The following MTHFD1L variants were observed in gnomAD, a reference collection of about 807,000 sequenced individuals.
MTHFD1L encodes monofunctional C1-tetrahydrofolate synthase, mitochondrial.
A neutral mutation model predicts 119.5 loss-of-function variants in MTHFD1L; 81 were observed. The observed-to-expected ratio is 0.68, with a 90% CI of 0.57 to 0.82. MTHFD1L has a LOEUF of 0.82. Ranked by LOEUF, MTHFD1L falls within the 40% of genes least tolerant of loss-of-function variation. The pLI is 0.00. For missense variants in MTHFD1L, 1,125 were observed against 1,253.4 expected (o/e 0.90, Z 1.55); for synonymous variants, 430 against 475.2 (o/e 0.90, Z 1.24).
chr6:150,922,153 C>A, intron 9 of MTHFD1L, 52 bp from the exon 10 acceptor site: 1 of 1,305,400 alleles, frequency 7.7e-7, no homozygotes, highest in Non-Finnish European at 1.1e-6. Flanking sequence ...TAAGTGTGTG[C>A]CCTGTCAGCT....
chr6:151,088,623 A>ATTTTTTTTTTTTTTTTTTTT (rs71014539), intron 26 of MTHFD1L, among the ~76,000 whole-genome samples: 1 of 128,640 alleles, frequency 7.8e-6, no homozygotes. Context: ...CACCCAGCTA[A>ATTTTTTTTTTTTTTTTTTTT]TTTTTTTTTT....
chr6:150,916,088 C>T (rs1252833173), intron 8 of MTHFD1L, among the ~76,000 whole-genome samples: 2 of 152,120 alleles, frequency 1.3e-5, no homozygotes, highest in Non-Finnish European at 2.9e-5. Flanking sequence ...CTTTAAATAA[C>T]ACCCAAGGGA....
chr6:151,072,325 T>C (rs1460532226), intron 26 of MTHFD1L, among the ~76,000 whole-genome samples: 1 of 152,180 alleles, frequency 6.6e-6, no homozygotes, highest in East Asian at 1.9e-4. Flanking sequence ...ACTACTTAGC[T>C]GAAAATCGAA....
At chr6:150,948,858 C>A (rs974167114) in intron 15 of MTHFD1L, among the ~76,000 whole-genome samples, 173 bp from the exon 16 acceptor site, 21 of 151,830 alleles carry the variant, frequency 1.4e-4, no homozygotes, top group African/African-American at 5.1e-4. Flanking sequence ...TCAGGCTGGT[C>A]TCGAACTCCT....
chr6:151,082,396 C>A (rs1194422958), intron 26 of MTHFD1L, among the ~76,000 whole-genome samples: 3 of 152,146 alleles, frequency 2.0e-5, no homozygotes, highest in African/African-American at 4.8e-5. Context: ...ATCAAGCTAC[C>A]CCTGTTCATT....
intron 19 of MTHFD1L, among the ~76,000 whole-genome samples, chr6:150,967,001 G>A (rs779557129): frequency 6.6e-6 from 1 of 152,148 alleles, no homozygotes; most frequent in Non-Finnish European, 1.5e-5. Flanking sequence ...ACCCTTCTGC[G>A]GCAGGTTGTC....
chr6:151,099,347 C>T (rs1795158330), intron 27 of MTHFD1L, among the ~76,000 whole-genome samples: 1 of 152,066 alleles, frequency 6.6e-6, no homozygotes, highest in African/African-American at 2.4e-5. Context: ...GTCCACTGAG[C>T]CCACCCTCTA....
intron 20 of MTHFD1L, among the ~76,000 whole-genome samples, chr6:151,004,117 C>T (rs1189469214): frequency 1.3e-5 from 2 of 151,438 alleles, no homozygotes; most frequent in African/African-American, 2.4e-5. Context: ...CTGAGACGGG[C>T]AGATCATTTG....
At chr6:151,013,699 A>G (rs1562538053) in intron 21 of MTHFD1L, 80 bp from the exon 22 acceptor site, 4 of 1,280,278 alleles carry the variant, frequency 3.1e-6, no homozygotes, top group Non-Finnish European at 4.5e-6. Context: ...ATTGAATGTG[A>G]TTATGTTGTT....
intron 26 of MTHFD1L, among the ~76,000 whole-genome samples, chr6:151,048,975 T>A (rs940098778): frequency 8.5e-5 from 13 of 152,174 alleles, no homozygotes; most frequent in African/African-American, 3.1e-4. Flanking sequence ...TCCCACAGAT[T>A]GACGGCTCAG....
At chr6:151,070,137 A>G (rs774530761) in intron 26 of MTHFD1L, among the ~76,000 whole-genome samples, 1 of 152,208 alleles carries the variant, frequency 6.6e-6, no homozygotes, top group Non-Finnish European at 1.5e-5. Flanking sequence ...TAGATTCCAC[A>G]TATAGCTTGT....
At chr6:150,870,983 A>T (rs1436045576) in intron 1 of MTHFD1L, among the ~76,000 whole-genome samples, 1 of 144,844 alleles carries the variant, frequency 6.9e-6, no homozygotes, top group Non-Finnish European at 1.5e-5. Context: ...AAATATATAT[A>T]ATATAATATA....
At chr6:151,075,434 G>A (rs1346751652) in intron 26 of MTHFD1L, among the ~76,000 whole-genome samples, 4 of 151,884 alleles carry the variant, frequency 2.6e-5, no homozygotes, top group Admixed American at 6.6e-5. Flanking sequence ...GCCGTTTCAC[G>A]AACAGGACAT....
intron 11 of MTHFD1L, chr6:150,935,121 A>C: frequency 6.2e-7 from 1 of 1,613,814 alleles, no homozygotes. Context: ...ATACCTACCA[A>C]AGGATTTAAC....
At chr6:151,046,740 G>A (rs117074085) in intron 26 of MTHFD1L, among the ~76,000 whole-genome samples, 4,040 of 151,970 alleles carry the variant, frequency 0.027, 121 homozygotes, top group Admixed American at 0.092. Flanking sequence ...GCTAAGAGGC[G>A]TATAATCAGA....
intron 7 of MTHFD1L, chr6:150,899,073 C>G (rs1784722540): frequency 1.3e-6 from 1 of 795,484 alleles, no homozygotes; most frequent in Non-Finnish European, 1.5e-6. Context: ...GAGGAATTGT[C>G]TTTTCTAGCA....
At chr6:150,937,484 C>T (rs941697164) in intron 12 of MTHFD1L, among the ~76,000 whole-genome samples, 1 of 152,222 alleles carries the variant, frequency 6.6e-6, no homozygotes, top group African/African-American at 2.4e-5. Flanking sequence ...TTCCTTAGCT[C>T]ACTTTACAGT....
intron 20 of MTHFD1L, among the ~76,000 whole-genome samples, chr6:150,988,933 T>A (rs1029972851): frequency 1.3e-5 from 2 of 151,938 alleles, no homozygotes; most frequent in African/African-American, 4.8e-5. Flanking sequence ...AGAGATGGGG[T>A]TTCTCCATGT....
At chr6:150,922,897 G>A (rs1322368205) in intron 10 of MTHFD1L, among the ~76,000 whole-genome samples, 1 of 152,146 alleles carries the variant, frequency 6.6e-6, no homozygotes, top group African/African-American at 2.4e-5. Flanking sequence ...GCCCACCTTG[G>A]CCTCCCAAAG....
Sources: allele counts gnomAD v4.1 joint callset (sites outside exome capture counted in the v4.1 genomes callset), GRCh38; gene constraint gnomAD v4.1.1; transcripts MANE v1.5; gene names NCBI Gene and HGNC (gene_info 2026-07-23, HGNC 2026-07-21).